Variants in OSBPL3 observed in about 807,000 individuals in gnomAD.
OSBPL3 encodes oxysterol binding protein like 3.
Under a neutral mutation model 120.1 loss-of-function variants are expected in OSBPL3, and 65 were observed. The observed-to-expected ratio is 0.54, with a 90% confidence interval of 0.44 to 0.67. The LOEUF is 0.67. Ranked by LOEUF, OSBPL3 falls within the 30% of genes least tolerant of loss-of-function variation. OSBPL3 has a pLI of 0.00. For synonymous variants in OSBPL3, 416 were observed against 402.6 expected (o/e 1.03, Z -0.40); for missense variants, 1,004 against 1,082.1 (o/e 0.93, Z 1.01).
In OSBPL3 at chr7:24,866,098, C is replaced by A. The variant is rs1801276921; in HGVS notation, c.521G>T (p.Gly174Val). Residue 174 changes from glycine (G) to valine (V), a missense_variant, in exon 6 of 23, where the codon GGG (glycine) becomes GTG (valine). Coordinates refer to ENST00000313367, the MANE Select transcript of OSBPL3 (RefSeq NM_015550.4). The stretch of plus-strand genomic sequence containing the variant: ...CCTACTTGAAATGGAGTCAAACACC[C>A]CAGATGAAGAGTCTGTGATGGTGGA... ...SGSTITDSSSGVFDSISSRKR... is the reference protein window; with the variant it reads ...SGSTITDSSSVVFDSISSRKR... The A allele has an allele frequency of 6.2e-7, 1 of 1,613,732 alleles. No homozygotes were observed.
At position 24,804,846 on chromosome 7, in the gene OSBPL3, T is replaced by C. The variant is rs1052214650; in HGVS notation, c.2445-409A>G. Among the ~76,000 whole-genome samples the C allele has an allele frequency of 2.6e-5, 4 of 152,234 alleles. No homozygotes were observed. The highest frequency in any genetic ancestry group is 7.2e-5 in the African/African-American group (3 of 41,474). ...AAAAAATATAAATGGTAGCATGCTA[T>C]GTATCCCTTGATTTTTGGTTTTGGT... On this transcript the variant is annotated intron_variant, in intron 21 of 22. Coordinates refer to ENST00000313367, the MANE Select transcript of OSBPL3 (RefSeq NM_015550.4). The surrounding 1 kb of genome is among the most constrained non-coding windows in gnomAD (Gnocchi z 5.4).
intron 12 of OSBPL3, among the ~76,000 whole-genome samples, chr7:24,846,305 C>T (rs773939236): frequency 6.6e-6 from 1 of 152,306 alleles, no homozygotes; most frequent in Non-Finnish European, 1.5e-5. Context: ...TAAATCTCAG[C>T]TCTGTCTATT....
chr7:24,881,811 A>G lies in OSBPL3; in HGVS notation c.97-9742T>C, dbSNP rs765760737. The stretch of plus-strand genomic sequence containing the variant: ...GTCCACGCTCCCTCTGGAGGATCTC[A>G]GGGGGATTCATTCCTTGCTTCTCCC... On this transcript the variant is annotated intron_variant, in intron 2 of 22. Coordinates refer to ENST00000313367, the MANE Select transcript of OSBPL3 (RefSeq NM_015550.4). This position sits in a 1 kb window ranked among gnomAD's most constrained non-coding sequence, Gnocchi z 4.3. Among the ~76,000 whole-genome samples, 12 of 152,202 alleles carry G rather than the reference A, an allele frequency of 7.9e-5. No individual in the cohort carries two copies. The highest frequency in any genetic ancestry group is 6.5e-5 in the Admixed American group (1 of 15,286).
chr7:24,838,037 G>A lies in OSBPL3; in HGVS notation c.1495+2653C>T, dbSNP rs111333588. On this transcript the variant is annotated intron_variant, in intron 14 of 22. Coordinates refer to ENST00000313367, the MANE Select transcript of OSBPL3 (RefSeq NM_015550.4). ...CACAGGCAAAATGATGATATGAAAT[G>A]TAAAGGTTATTTCTGTATCCAATCT... Among the ~76,000 whole-genome samples the A allele has an allele frequency of 3.3e-3, 503 of 152,322 alleles. 5 individuals carry two copies. The highest frequency in any genetic ancestry group is 0.012 in the African/African-American group (492 of 41,552).
rs956370058 is a variant in OSBPL3 at position 24,805,275 on chromosome 7, G to A, written c.2445-838C>T. Among the ~76,000 whole-genome samples, 1 of 152,104 alleles carries A rather than the reference G, an allele frequency of 6.6e-6. No homozygotes were observed. Among genetic ancestry groups the A allele is most frequent in the African/African-American group, 2.4e-5 (1 of 41,404 alleles). Reference sequence around the variant, plus strand: ...TTCTGAATTTTTGCCAATCTGATAGGTTAAAAATTGGGATGTCGACATGAT... The same window carrying A: ...TTCTGAATTTTTGCCAATCTGATAGATTAAAAATTGGGATGTCGACATGAT... On this transcript the variant is annotated intron_variant, in intron 21 of 22. Coordinates refer to ENST00000313367, the MANE Select transcript of OSBPL3 (RefSeq NM_015550.4). The surrounding 1 kb of genome is among the most constrained non-coding windows in gnomAD (Gnocchi z 4.0).
chr7:24,829,204 T>C (rs1394128409), intron 16 of OSBPL3, among the ~76,000 whole-genome samples: 2 of 152,228 alleles, frequency 1.3e-5, no homozygotes, highest in Non-Finnish European at 2.9e-5. Context: ...TATGATACCA[T>C]GGAAACCAAA....
In OSBPL3 at chr7:24,873,829, C is replaced by A. The variant is rs1215128712; in HGVS notation, c.97-1760G>T. Among the ~76,000 whole-genome samples the A allele has an allele frequency of 6.6e-6, 1 of 152,176 alleles. No individual in the cohort carries two copies. The highest frequency in any genetic ancestry group is 1.5e-5 in the Non-Finnish European group (1 of 68,022). On this transcript the variant is annotated intron_variant, in intron 2 of 22. Transcript: ENST00000313367. The surrounding 1 kb of genome is among the most constrained non-coding windows in gnomAD (Gnocchi z 4.1). ...TTTTACCCATCTAAATGTTAATGAA[C>A]CTTTAAGGTTGTCAAGTTAAAAATT...
chr7:24,839,582 C>T (rs1321272325), intron 14 of OSBPL3, among the ~76,000 whole-genome samples: 1 of 152,164 alleles, frequency 6.6e-6, no homozygotes, highest in African/African-American at 2.4e-5. Context: ...CCACCTGGAT[C>T]ATATCTTTTA....
rs1814542533 is a variant in OSBPL3 at position 24,952,347 on chromosome 7, A to C, written c.-150+27539T>G. On this transcript the variant is annotated intron_variant, in intron 1 of 22. Coordinates refer to ENST00000313367, the MANE Select transcript of OSBPL3 (RefSeq NM_015550.4). The surrounding 1 kb of genome is among the most constrained non-coding windows in gnomAD (Gnocchi z 4.4). The stretch of plus-strand genomic sequence containing the variant: ...GAGAAACTGAGGCCCACAAGGCTCA[A>C]GTTTTGCCCAATGTCATGTAATCAC... 6.6e-6 allele frequency among the ~76,000 whole-genome samples: 1 copy of C among 152,238 alleles called. No homozygotes were observed. Among genetic ancestry groups the C allele is most frequent in the Non-Finnish European group, 1.5e-5 (1 of 68,036 alleles).
Position 24,912,573 on chromosome 7 carries a change from C to T in OSBPL3, c.-149-19952G>A, listed in dbSNP as rs1231627676. ...TCCTCACACCCAAAGACAGAACAGC[C>T]CCAGCACAGAACAATGACAATCATA... On this transcript the variant is annotated intron_variant, in intron 1 of 22. Transcript: ENST00000313367. The surrounding 1 kb of genome is among the most constrained non-coding windows in gnomAD (Gnocchi z 4.5). 6.6e-6 allele frequency among the ~76,000 whole-genome samples: 1 copy of T among 152,094 alleles called. No homozygotes were observed. The highest frequency in any genetic ancestry group is 1.5e-5 in the Non-Finnish European group (1 of 68,022).
intron 1 of OSBPL3, among the ~76,000 whole-genome samples, chr7:24,963,381 G>A (rs184555825): frequency 1.2e-4 from 18 of 152,330 alleles, no homozygotes; most frequent in African/African-American, 4.3e-4. Flanking sequence ...GCTGATGTCA[G>A]CAGTGCCACT....
At position 24,947,164 on chromosome 7, in the gene OSBPL3, T is replaced by A. The variant is rs1463266993; in HGVS notation, c.-150+32722A>T. ...TTGTAGAAAGGAGTAAAACAACAGA[T>A]GGAGGTTCTAAGATTCTAAGGTCCC... On this transcript the variant is annotated intron_variant, in intron 1 of 22. Transcript: ENST00000313367. This position sits in a 1 kb window ranked among gnomAD's most constrained non-coding sequence, Gnocchi z 4.4. 6.6e-6 allele frequency among the ~76,000 whole-genome samples: 1 copy of A among 152,190 alleles called. No homozygotes were observed.
At chr7:24,942,786 C>T (rs112789250) in intron 1 of OSBPL3, among the ~76,000 whole-genome samples, 4 of 152,182 alleles carry the variant, frequency 2.6e-5, no homozygotes, top group South Asian at 2.1e-4. Flanking sequence ...TATTTTTGCA[C>T]GTATGAACAT....
chr7:24,980,707 G>A (rs1349518927), upstream of OSBPL3, among the ~76,000 whole-genome samples: 2 of 151,990 alleles, frequency 1.3e-5, no homozygotes, highest in African/African-American at 2.4e-5. Context: ...CTAGGCACGA[G>A]ATGACAAAGG....
intron 1 of OSBPL3, among the ~76,000 whole-genome samples, chr7:24,960,222 G>A (rs1397028384): frequency 2.0e-5 from 3 of 152,118 alleles, no homozygotes. Context: ...TGTCTGAATA[G>A]AGGGAAACTA....
At chr7:24,847,228 A>G (rs1442131974) in intron 12 of OSBPL3, among the ~76,000 whole-genome samples, 1 of 152,190 alleles carries the variant, frequency 6.6e-6, no homozygotes, top group Non-Finnish European at 1.5e-5. Flanking sequence ...ACTGGAGTCA[A>G]GTTTTCAGTC....
chr7:24,857,897 T>C (rs987010148), intron 10 of OSBPL3, among the ~76,000 whole-genome samples: 1 of 152,240 alleles, frequency 6.6e-6, no homozygotes, highest in African/African-American at 2.4e-5. Context: ...CCAAACATTT[T>C]TAATCATGAA....
Position 24,980,100 on chromosome 7 carries a change from C to G in OSBPL3, c.-364G>C. 1.0e-6 allele frequency: 1 copy of G among 966,780 alleles called. No homozygotes were observed. The highest frequency in any genetic ancestry group is 1.2e-6 in the Non-Finnish European group (1 of 813,014). The allele number at this position is 966,780 out of a possible 1,614,324, so 59.9% of individuals were successfully genotyped here. ...CGCGCTGCGCACCGGCCGCGAAGCGCTCAAGTCCCCTCTCCCGGGCCGGCT... is the reference window on the plus strand; with the variant it reads ...CGCGCTGCGCACCGGCCGCGAAGCGGTCAAGTCCCCTCTCCCGGGCCGGCT... On this transcript the variant is annotated 5_prime_UTR_variant, in exon 1 of 23. Transcript: ENST00000313367.
At chr7:24,958,185 T>TGCCA (rs1213259450) in intron 1 of OSBPL3, among the ~76,000 whole-genome samples, 1 of 152,160 alleles carries the variant, frequency 6.6e-6, no homozygotes, top group Admixed American at 6.5e-5. Context: ...TTTACTCTCC[T>TGCCA]GCCAGCCATA....
Sources: allele counts gnomAD v4.1 joint callset (sites outside exome capture counted in the v4.1 genomes callset), GRCh38; gene constraint gnomAD v4.1.1; non-coding constraint Gnocchi (gnomAD v3.1); transcripts MANE v1.5; gene names NCBI Gene and HGNC (gene_info 2026-07-23, HGNC 2026-07-21).